HUNK: variants seen among roughly 807,000 people sequenced by gnomAD.
The protein encoded by HUNK is hormonally up-regulated neu tumor-associated kinase.
Under a neutral mutation model 61.0 loss-of-function variants are expected in HUNK, and 21 were observed. The observed-to-expected ratio is 0.34, with a 90% CI of 0.24 to 0.50. The LOEUF is 0.50. Ranked by LOEUF, HUNK falls within the 20% of genes least tolerant of loss-of-function variation. The pLI, the probability that HUNK is intolerant of heterozygous loss-of-function variation, is 0.98. For synonymous variants in HUNK, 371 were observed against 386.1 expected (o/e 0.96, Z 0.46); for missense variants, 772 against 945.7 (o/e 0.82, Z 2.41).
rs754132615 is a variant in HUNK, at chr21:31,999,160, C to T, written c.2121C>T (p.Ala707=). The part of the protein sequence containing the change: ...LAPVNLAFDM[A]DGVKTQC ...CTGTGAACCTTGCCTTTGACATGGC[C>T]GATGGGGTCAAGACCCAGTGCTAAC... The change falls in exon 11 of 11, where the codon GCC becomes GCT. Residue 707 remains alanine (A), a synonymous_variant. Coordinates refer to ENST00000270112, the MANE Select transcript of HUNK (RefSeq NM_014586.2). 42 of 1,611,912 alleles carry T rather than the reference C, an allele frequency of 2.6e-5. No individual in the cohort carries two copies. Among genetic ancestry groups the T allele is most frequent in the Admixed American group, 2.5e-4 (15 of 59,660 alleles).
Position 31,946,189 on chromosome 21 carries a change from T to C in HUNK, c.746+18T>C. 2 of 1,603,304 alleles carry C rather than the reference T, an allele frequency of 1.2e-6. No individual in the cohort carries two copies. Among genetic ancestry groups the C allele is most frequent in the African/African-American group, 1.3e-5 (1 of 74,900 alleles). Reference sequence around the variant, plus strand: ...TGGTCCATGTGAGTTATCAAGCTTCTGAAAGTCAGTGTTCCTCCTGCTGTC... The same window carrying C: ...TGGTCCATGTGAGTTATCAAGCTTCCGAAAGTCAGTGTTCCTCCTGCTGTC... On this transcript the variant is annotated intron_variant, in intron 4 of 10. Transcript: ENST00000270112.
chr21:31,979,366 C>T (rs1179495808), intron 7 of HUNK, among the ~76,000 whole-genome samples: 3 of 151,746 alleles, frequency 2.0e-5, no homozygotes, highest in Non-Finnish European at 4.4e-5. Context: ...ATCTGCCTGC[C>T]TCGGCCTCCC....
intron 7 of HUNK, among the ~76,000 whole-genome samples, chr21:31,976,437 T>A (rs958228032): frequency 6.6e-6 from 1 of 151,350 alleles, no homozygotes; most frequent in African/African-American, 2.4e-5. Flanking sequence ...CTCATTTCTC[T>A]TGTTTTAATT....
intron 1 of HUNK, among the ~76,000 whole-genome samples, chr21:31,881,409 C>T (rs2052306378): frequency 6.6e-6 from 1 of 152,046 alleles, no homozygotes; most frequent in Non-Finnish European, 1.5e-5. Context: ...GGCAGATCAC[C>T]TGAGGTCAGG....
chr21:31,948,704 G>A (rs912304205), intron 4 of HUNK, among the ~76,000 whole-genome samples: 5 of 152,108 alleles, frequency 3.3e-5, no homozygotes, highest in East Asian at 1.9e-4. Context: ...ACAGGAGGAA[G>A]GAGCAGGCAT....
chr21:31,910,909 A>G (rs951880642), intron 1 of HUNK, among the ~76,000 whole-genome samples: 1 of 152,202 alleles, frequency 6.6e-6, no homozygotes, highest in East Asian at 1.9e-4. Context: ...CCTACACATC[A>G]CTTCATTCAC....
At chr21:31,918,627 G>A (rs1226464834) in intron 1 of HUNK, among the ~76,000 whole-genome samples, 1 of 152,198 alleles carries the variant, frequency 6.6e-6, no homozygotes, top group Non-Finnish European at 1.5e-5. Context: ...GGCATCTCCT[G>A]GGCTTGTGGC....
At chr21:31,974,996 C>CTT (rs1033673980) in intron 7 of HUNK, among the ~76,000 whole-genome samples, 2 of 145,140 alleles carry the variant, frequency 1.4e-5, no homozygotes, top group Admixed American at 6.9e-5. Context: ...TCTCTGTTGT[C>CTT]TTTTTTTTTT....
At chr21:31,929,872 A>G (rs1030155614) in intron 2 of HUNK, among the ~76,000 whole-genome samples, 4 of 152,228 alleles carry the variant, frequency 2.6e-5, no homozygotes, top group African/African-American at 7.2e-5. Flanking sequence ...GGGCCTGACA[A>G]GAAGCAGGCA....
intron 5 of HUNK, among the ~76,000 whole-genome samples, chr21:31,965,310 G>A (rs1349091774): frequency 6.6e-6 from 1 of 150,654 alleles, no homozygotes; most frequent in Non-Finnish European, 1.5e-5. Flanking sequence ...GGTGGAGGGT[G>A]GAAGGAGAGA....
intron 1 of HUNK, 127 bp downstream of exon 1, chr21:31,874,062 G>A (rs1320266098): frequency 1.2e-5 from 8 of 694,112 alleles, no homozygotes; most frequent in African/African-American, 1.9e-5. Flanking sequence ...CCCTCCGCCC[G>A]GCTTTCCTGT....
At chr21:31,917,143 G>A (rs946216824) in intron 1 of HUNK, among the ~76,000 whole-genome samples, 1 of 152,170 alleles carries the variant, frequency 6.6e-6, no homozygotes, top group Non-Finnish European at 1.5e-5. Flanking sequence ...GGTGGTGTTT[G>A]TTTGGCAGGG....
chr21:31,918,237 G>A (rs1055918568), intron 1 of HUNK, among the ~76,000 whole-genome samples: 1 of 152,110 alleles, frequency 6.6e-6, no homozygotes, highest in Non-Finnish European at 1.5e-5. Context: ...TGTAAGTCAG[G>A]GGGTGGATGA....
At chr21:31,988,925 G>A (rs1420835249) in intron 8 of HUNK, among the ~76,000 whole-genome samples, 1 of 151,406 alleles carries the variant, frequency 6.6e-6, no homozygotes, top group Non-Finnish European at 1.5e-5. Context: ...TGACCTCCCT[G>A]GCTCAGGTGA....
intron 6 of HUNK, among the ~76,000 whole-genome samples, chr21:31,971,148 G>A (rs567581924): frequency 2.5e-4 from 38 of 151,944 alleles, no homozygotes; most frequent in African/African-American, 8.4e-4. Context: ...GTGCAATCTC[G>A]GCTCACTGCA....
At chr21:31,921,547 C>T (rs980590054) in intron 1 of HUNK, among the ~76,000 whole-genome samples, 1 of 151,874 alleles carries the variant, frequency 6.6e-6, no homozygotes, top group Admixed American at 6.6e-5. Context: ...GAGTTGGGAC[C>T]GGGTGGTGGT....
chr21:31,917,898 C>G (rs2052596984), intron 1 of HUNK, among the ~76,000 whole-genome samples: 1 of 152,106 alleles, frequency 6.6e-6, no homozygotes, highest in South Asian at 2.1e-4. Context: ...GCTAAACTTG[C>G]TTATTTTACT....
At chr21:31,878,258 C>CA (rs59741283) in intron 1 of HUNK, among the ~76,000 whole-genome samples, 16,514 of 89,730 alleles carry the variant, frequency 0.18, 1,978 homozygotes, top group African/African-American at 0.34. Flanking sequence ...GACTCCATCT[C>CA]AAAAAAAAAA....
chr21:31,930,481 C>T (rs1336504397), intron 2 of HUNK, among the ~76,000 whole-genome samples: 2 of 152,222 alleles, frequency 1.3e-5, no homozygotes, highest in East Asian at 1.9e-4. Context: ...TCTACTCATC[C>T]TTCAGGTCCC....
Sources: gnomAD v4.1 joint callset for allele counts (sites outside exome capture counted in the v4.1 genomes callset) on GRCh38, gnomAD v4.1.1 for gene constraint, MANE v1.5 for transcripts, NCBI Gene and HGNC (gene_info 2026-07-23, HGNC 2026-07-21) for gene names.